The following MTA3 variants were observed in gnomAD, a reference collection of about 807,000 sequenced individuals.
MTA3 encodes metastasis-associated protein MTA3.
In MTA3, 34 loss-of-function variants were observed where a neutral mutation model predicts 83.5. The observed-to-expected ratio is 0.41, with a 90% CI of 0.31 to 0.54. The LOEUF is 0.54. Among genes scored for constraint, MTA3 ranks in the 20% least tolerant of loss-of-function variants. The pLI, the probability that MTA3 is intolerant of heterozygous loss-of-function variation, is 0.33. For synonymous variants in MTA3, 303 were observed against 252.7 expected (o/e 1.20, Z -1.89); for missense variants, 761 against 726.4 (o/e 1.05, Z -0.55).
At chr2:42,562,716 TG>T (rs1190960985) in intron 2 of MTA3, among the ~76,000 whole-genome samples, 2 of 152,312 alleles carry the variant, frequency 1.3e-5, no homozygotes, top group Non-Finnish European at 2.9e-5. Flanking sequence ...GGCCAGGGTT[TG>T]GCTTATTCCT....
chr2:42,710,379 T>G (rs1037129627), intron 14 of MTA3, among the ~76,000 whole-genome samples: 1 of 151,000 alleles, frequency 6.6e-6, no homozygotes, highest in African/African-American at 2.4e-5. Context: ...ATGGTGAAAC[T>G]GTCTCTACTA....
intron 4 of MTA3, among the ~76,000 whole-genome samples, chr2:42,620,774 A>T (rs1410692215): frequency 6.6e-6 from 1 of 152,176 alleles, no homozygotes; most frequent in Non-Finnish European, 1.5e-5. Context: ...GATTACGGGG[A>T]TGAGCCACTG....
chr2:42,729,106 T>TTTTGTTTG (rs1668058723), intron 16 of MTA3, among the ~76,000 whole-genome samples: 1 of 133,276 alleles, frequency 7.5e-6, no homozygotes, highest in African/African-American at 2.9e-5. Flanking sequence ...TTTTTTTTTT[T>TTTTGTTTG]TTTTTTTCAC....
chr2:42,646,206 A>C (rs1247998651), intron 6 of MTA3, among the ~76,000 whole-genome samples: 1 of 152,228 alleles, frequency 6.6e-6, no homozygotes, highest in Non-Finnish European at 1.5e-5. Context: ...AATTCTTTTC[A>C]AAAACTGCTC....
intron 4 of MTA3, among the ~76,000 whole-genome samples, chr2:42,635,576 A>T (rs1485984589): frequency 6.6e-6 from 1 of 152,098 alleles, no homozygotes; most frequent in South Asian, 2.1e-4. Flanking sequence ...TGCAGTAAGG[A>T]TAAGATCACA....
chr2:42,511,361 A>C (rs1238544027), intron 2 of MTA3, among the ~76,000 whole-genome samples: 1 of 152,086 alleles, frequency 6.6e-6, no homozygotes, highest in Non-Finnish European at 1.5e-5. Context: ...GTCAAAAAAA[A>C]AAAAAAACCT....
intron 5 of MTA3, among the ~76,000 whole-genome samples, chr2:42,641,553 A>T (rs925302284): frequency 2.7e-5 from 4 of 149,778 alleles, no homozygotes; most frequent in Admixed American, 6.7e-5. Context: ...ATTGTATTAA[A>T]TTTTTTTTTT....
intron 2 of MTA3, among the ~76,000 whole-genome samples, chr2:42,543,880 G>A (rs1013339148): frequency 2.0e-5 from 3 of 151,842 alleles, no homozygotes; most frequent in African/African-American, 7.3e-5. Context: ...ATTAGAGACA[G>A]GGGTCTCACT....
intron 11 of MTA3, among the ~76,000 whole-genome samples, chr2:42,699,468 A>G (rs1353307563): frequency 1.3e-5 from 2 of 152,194 alleles, no homozygotes; most frequent in Non-Finnish European, 2.9e-5. Flanking sequence ...TCAGATTAGC[A>G]CTTTAAGATC....
intron 8 of MTA3, among the ~76,000 whole-genome samples, chr2:42,679,057 T>G (rs1691638559): frequency 6.6e-6 from 1 of 152,146 alleles, no homozygotes; most frequent in African/African-American, 2.4e-5. Context: ...ACTGATCTGG[T>G]GCCCCAGGTT....
chr2:42,574,087 C>A (rs1201607889), intron 2 of MTA3, among the ~76,000 whole-genome samples: 1 of 149,576 alleles, frequency 6.7e-6, no homozygotes, highest in East Asian at 2.0e-4. Flanking sequence ...CCGCCTGCCT[C>A]GGCCTCCCAA....
chr2:42,497,713 C>T (rs996394967), intron 2 of MTA3, among the ~76,000 whole-genome samples: 7 of 152,066 alleles, frequency 4.6e-5, no homozygotes, highest in African/African-American at 1.5e-4. Context: ...TTTTCTCCTC[C>T]GTAGAATGAA....
intron 2 of MTA3, among the ~76,000 whole-genome samples, chr2:42,571,609 C>A (rs1372041701): frequency 1.3e-5 from 2 of 151,992 alleles, no homozygotes; most frequent in Non-Finnish European, 1.5e-5. Flanking sequence ...TTAATATTTT[C>A]CTCTTCCAGG....
chr2:42,749,513 GCTGGAGTGCAGTGGC>G (rs1186554032), intron 16 of MTA3, among the ~76,000 whole-genome samples: 1 of 152,044 alleles, frequency 6.6e-6, no homozygotes, highest in Non-Finnish European at 1.5e-5. Context: ...TGTCACCCGT[GCTGGAGTGCAGTGGC>G]ATGATCTCGG....
chr2:42,697,934 G>A (rs915271866), intron 11 of MTA3, 100 bp downstream of exon 11: 10 of 777,568 alleles, frequency 1.3e-5, no homozygotes, highest in Non-Finnish European at 2.0e-5. Flanking sequence ...GAACTTTTGT[G>A]TATCTTTCTT....
chr2:42,546,277 G>T (rs951094658), intron 2 of MTA3, among the ~76,000 whole-genome samples: 2 of 152,086 alleles, frequency 1.3e-5, no homozygotes, highest in African/African-American at 4.8e-5. Flanking sequence ...TCAAACAAAG[G>T]CCCCAGGAGA....
intron 2 of MTA3, among the ~76,000 whole-genome samples, chr2:42,537,626 T>G (rs1676306876): frequency 1.3e-5 from 2 of 151,540 alleles, no homozygotes; most frequent in Admixed American, 6.6e-5. Flanking sequence ...GACAGGGAAG[T>G]GCTGGGAAAT....
intron 2 of MTA3, among the ~76,000 whole-genome samples, chr2:42,563,552 C>T (rs1453322872): frequency 6.6e-6 from 1 of 152,144 alleles, no homozygotes; most frequent in Non-Finnish European, 1.5e-5. Flanking sequence ...CTGCAAGCTC[C>T]ACCTCCCGGG....
At chr2:42,509,810 A>G (rs1006642222) in intron 2 of MTA3, among the ~76,000 whole-genome samples, 4 of 152,084 alleles carry the variant, frequency 2.6e-5, no homozygotes, top group Non-Finnish European at 5.9e-5. Context: ...AAATAAAGGA[A>G]TAAATAAATA....
Sources: allele counts gnomAD v4.1 joint callset (sites outside exome capture counted in the v4.1 genomes callset), GRCh38; gene constraint gnomAD v4.1.1; transcripts MANE v1.5; gene names NCBI Gene and HGNC (gene_info 2026-07-23, HGNC 2026-07-21).